Variants in TMEM170B observed in about 807,000 individuals in gnomAD.
TMEM170B encodes the protein transmembrane protein 170B.
A neutral mutation model predicts 13.0 loss-of-function variants in TMEM170B; 6 were observed. The ratio of observed to expected loss-of-function variants is 0.46; its 90% CI spans 0.25 to 0.91. The LOEUF (loss-of-function observed/expected upper bound fraction) is 0.91, where lower values mean the gene tolerates loss of function less well. Ranked by LOEUF, TMEM170B falls within the 40% of genes least tolerant of loss-of-function variation. The pLI is 0.17. For synonymous variants in TMEM170B, 61 were observed against 64.9 expected (o/e 0.94, Z 0.29); for missense variants, 138 against 165.2 (o/e 0.84, Z 0.90).
intron 1 of TMEM170B, among the ~76,000 whole-genome samples, chr6:11,549,038 C>T (rs1212788727): frequency 1.3e-5 from 2 of 151,924 alleles, no homozygotes; most frequent in Non-Finnish European, 1.5e-5. Flanking sequence ...CAAACCTGCA[C>T]GTTGTGCACA....
intron 1 of TMEM170B, among the ~76,000 whole-genome samples, chr6:11,563,640 C>G (rs1279090377): frequency 6.6e-6 from 1 of 152,146 alleles, no homozygotes; most frequent in Admixed American, 6.5e-5. Context: ...GGAAACACTT[C>G]ACTGGTTATG....
chr6:11,570,451 A>G (rs1157792165), intron 2 of TMEM170B, among the ~76,000 whole-genome samples: 2 of 152,222 alleles, frequency 1.3e-5, no homozygotes, highest in East Asian at 1.9e-4. Flanking sequence ...AGCATAATAG[A>G]AGAAATACTA....
intron 1 of TMEM170B, among the ~76,000 whole-genome samples, chr6:11,547,302 A>G (rs1759452935): frequency 6.6e-6 from 1 of 152,174 alleles, no homozygotes; most frequent in Non-Finnish European, 1.5e-5. Flanking sequence ...ACCTTCCTTC[A>G]ATAGCGTTCC....
chr6:11,570,946 A>C (rs1759790548), intron 2 of TMEM170B, among the ~76,000 whole-genome samples: 1 of 152,214 alleles, frequency 6.6e-6, no homozygotes, highest in African/African-American at 2.4e-5. Flanking sequence ...GATTTTAAAA[A>C]ATCACTTTAA....
In TMEM170B at chr6:11,575,369, G is replaced by A; in HGVS notation, c.269-62G>A. 1.3e-6 allele frequency: 2 copies of A among 1,591,004 alleles called. No homozygotes were observed. Among genetic ancestry groups the A allele is most frequent in the Non-Finnish European group, 1.7e-6 (2 of 1,162,052 alleles). ...AAATGAAAAGAGCTCTTAAGGTGCA[G>A]CATGCAGTGTGTTATAAAACGAGTG... On this transcript the variant is annotated intron_variant, in intron 2 of 2. Transcript: ENST00000379426. The surrounding 1 kb of genome is among the most constrained non-coding windows in gnomAD (Gnocchi z 4.1).
At chr6:11,543,583 A>G (rs978950914) in intron 1 of TMEM170B, among the ~76,000 whole-genome samples, 2 of 152,214 alleles carry the variant, frequency 1.3e-5, no homozygotes, top group East Asian at 1.9e-4. Flanking sequence ...TGAAAAAGTC[A>G]TTATCTTTTT....
Position 11,575,396 on chromosome 6 carries a change from C to A in TMEM170B, c.269-35C>A, listed in dbSNP as rs563574282. The A allele has an allele frequency of 6.2e-7, 1 of 1,612,352 alleles. No individual in the cohort carries two copies. The highest frequency in any genetic ancestry group is 1.7e-5 in the Admixed American group (1 of 59,952). On this transcript the variant is annotated intron_variant, in intron 2 of 2. Transcript: ENST00000379426. The surrounding 1 kb of genome is among the most constrained non-coding windows in gnomAD (Gnocchi z 4.1). ...ATGCAGTGTGTTATAAAACGAGTGA[C>A]TGTATCCCTTCATTTTTCTCCCGTT...
At position 11,565,836 on chromosome 6, in the gene TMEM170B, A is replaced by G. The variant is rs1241131000; in HGVS notation, c.268A>G (p.Ser90Gly). Residue 90 changes from serine (S) to glycine (G), a missense_variant and splice_region_variant, in exon 2 of 3, where the codon AGT becomes GGT. By Grantham distance (56) the Ser-to-Gly change is moderately conservative (BLOSUM62 0). Transcript: ENST00000379426. ...LASVTGAMIT[S>G]AAVAGIYRVA... ...TTCTGTAACTGGAGCGATGATTACC[A>G]GTAAGTTGATTTTCTTTTGTCTGAG... is the stretch of plus-strand genomic sequence containing the variant. 6.2e-7 allele frequency: 1 copy of G among 1,614,094 alleles called. No individual in the cohort carries two copies. Among genetic ancestry groups the G allele is most frequent in the Non-Finnish European group, 8.5e-7 (1 of 1,179,960 alleles).
At chr6:11,569,300 G>A (rs985663711) in intron 2 of TMEM170B, among the ~76,000 whole-genome samples, 1 of 151,906 alleles carries the variant, frequency 6.6e-6, no homozygotes, top group Admixed American at 6.6e-5. Context: ...CCTTAGTTTC[G>A]ACATGATCAA....
intron 2 of TMEM170B, among the ~76,000 whole-genome samples, chr6:11,573,635 G>A (rs188282854): frequency 1.3e-5 from 2 of 152,148 alleles, no homozygotes; most frequent in South Asian, 2.1e-4. Context: ...AGCATGCAAC[G>A]TTTGAATTGA....
chr6:11,583,520 C>T lies in TMEM170B; in HGVS notation c.*7959C>T, dbSNP rs1181534840. 1 of 152,058 alleles carries T rather than the reference C, an allele frequency of 6.6e-6. No homozygotes were observed. Among genetic ancestry groups the T allele is most frequent in the African/African-American group, 2.4e-5 (1 of 41,404 alleles). The allele number at this position is 152,058 out of a possible 1,614,324, so 9.4% of individuals were successfully genotyped here. ...ATATAAATAAACCTGTCTTTGAAAG[C>T]TTTATGGGGTGTTTGACTCTTGGTG... On this transcript the variant is annotated 3_prime_UTR_variant, in exon 3 of 3. Coordinates refer to ENST00000379426, the MANE Select transcript of TMEM170B (RefSeq NM_001100829.3).
At position 11,538,386 on chromosome 6, in the gene TMEM170B, G is replaced by T. The variant is rs1339770867; in HGVS notation, c.97+12G>T. 1.3e-6 allele frequency: 2 copies of T among 1,500,354 alleles called. No homozygotes were observed. Among genetic ancestry groups the T allele is most frequent in the Non-Finnish European group, 1.8e-6 (2 of 1,126,096 alleles). 92.9% of individuals were successfully genotyped at this position (1,500,354 alleles called of 1,614,324 possible). A position where few individuals can be genotyped will look rare whatever the true frequency, so the allele number is the denominator to read the frequency against. On this transcript the variant is annotated intron_variant, in intron 1 of 2. Transcript: ENST00000379426. Reference sequence around the variant, plus strand: ...GAGGAACCTCACGGGTAATTGACGCGCCTGGGCTGGGGACGGGGATGCGGT... The same window carrying T: ...GAGGAACCTCACGGGTAATTGACGCTCCTGGGCTGGGGACGGGGATGCGGT...
intron 1 of TMEM170B, among the ~76,000 whole-genome samples, chr6:11,541,646 T>G (rs1432013028): frequency 3.9e-5 from 6 of 152,226 alleles, no homozygotes; most frequent in African/African-American, 1.2e-4. Context: ...TTTAATTTCC[T>G]TTAAGAATTT....
rs112013457 is a variant in TMEM170B at position 11,573,487 on chromosome 6, C to T, written c.269-1944C>T. On this transcript the variant is annotated intron_variant, in intron 2 of 2. Transcript: ENST00000379426. ...TTGACAAGTGTCATCTCTTAATCTT[C>T]GTGCCCACCTATTTTACAGTGGAGG... is the stretch of plus-strand genomic sequence containing the variant. Among the ~76,000 whole-genome samples the T allele has an allele frequency of 9.9e-5, 15 of 152,264 alleles. No individual in the cohort carries two copies. The South Asian group carries it at 2.3e-3, about 23-fold the overall frequency.
rs570699520 is a variant in TMEM170B, at chr6:11,553,220, AT to A, written c.98-12441del. 3.3e-5 allele frequency among the ~76,000 whole-genome samples: 5 copies of A among 152,208 alleles called. No homozygotes were observed. In the South Asian group the frequency reaches 1.0e-3, roughly 32 times the overall value. The stretch of plus-strand genomic sequence containing the variant: ...TAGGTGGGTTTTGCATCCTTAGAAT[AT>A]TTTTGCTCCATGTTTAATTGAAAAA... On this transcript the variant is annotated intron_variant, in intron 1 of 2. Transcript: ENST00000379426.
rs114442815 is a variant in TMEM170B at position 11,566,988 on chromosome 6, T to C, written c.268+1152T>C. 3.0e-3 allele frequency among the ~76,000 whole-genome samples: 462 copies of C among 152,342 alleles called. 1 individual carries two copies. Among genetic ancestry groups the C allele is most frequent in the African/African-American group, 0.011 (439 of 41,578 alleles). ...TATTGGAAGCTACTGGTTACCAATT[T>C]CAAGTGTTTTTATCCATTGGGAAAT... On this transcript the variant is annotated intron_variant, in intron 2 of 2. Transcript: ENST00000379426.
At chr6:11,554,281 A>G (rs1759560898) in intron 1 of TMEM170B, among the ~76,000 whole-genome samples, 1 of 152,068 alleles carries the variant, frequency 6.6e-6, no homozygotes, top group East Asian at 1.9e-4. Context: ...CATGAATCAA[A>G]AAATGTTTTT....
chr6:11,548,764 TCCTTTGTAGGGA>T, intron 1 of TMEM170B, among the ~76,000 whole-genome samples: 1 of 152,304 alleles, frequency 6.6e-6, no homozygotes. Flanking sequence ...TGAGTTCATG[TCCTTTGTAGGGA>T]CATGGATGAA....
intron 2 of TMEM170B, among the ~76,000 whole-genome samples, chr6:11,567,719 T>C (rs781674010): frequency 4.6e-5 from 7 of 152,208 alleles, no homozygotes; most frequent in Admixed American, 1.3e-4. Context: ...TGCTTTGTCA[T>C]AGACGGGGTT....
Sources: allele counts gnomAD v4.1 joint callset (sites outside exome capture counted in the v4.1 genomes callset), GRCh38; gene constraint gnomAD v4.1.1; non-coding constraint Gnocchi (gnomAD v3.1); transcripts MANE v1.5; gene names NCBI Gene and HGNC (gene_info 2026-07-23, HGNC 2026-07-21).